Variants in DUSP11 observed in about 807,000 individuals in gnomAD.
The protein encoded by DUSP11 is dual specificity phosphatase 11, also known as RNA/RNP complex-1-interacting phosphatase.
A neutral mutation model predicts 41.4 loss-of-function variants in DUSP11; 27 were observed. The observed-to-expected ratio is 0.65, with a 90% CI of 0.48 to 0.90. The LOEUF (loss-of-function observed/expected upper bound fraction) is 0.90, where lower values mean the gene tolerates loss of function less well. Among genes scored for constraint, DUSP11 ranks in the 40% least tolerant of loss-of-function variants. The pLI is 0.00. For synonymous variants in DUSP11, 188 were observed against 159.3 expected, an observed-to-expected ratio of 1.18 and a Z score of -1.35; for missense variants, 465 against 461.1, an observed-to-expected ratio of 1.01 and a Z score of -0.08.
chr2:73,769,771 T>C, intron 4 of DUSP11, among the ~76,000 whole-genome samples: 1 of 152,218 alleles, frequency 6.6e-6, no homozygotes, highest in Admixed American at 6.5e-5. Flanking sequence ...CCTTCTCTTG[T>C]TCGGTGCTCC....
chr2:73,766,639 T>C (rs749693067), intron 7 of DUSP11, 45 bp from the exon 8 acceptor site: 6 of 1,552,810 alleles, frequency 3.9e-6, no homozygotes, highest in Non-Finnish European at 5.2e-6. Flanking sequence ...TTTCCAAATT[T>C]AGTAGTCAAT....
At chr2:73,774,340 T>C (rs187906705) in intron 3 of DUSP11, among the ~76,000 whole-genome samples, 161 of 152,316 alleles carry the variant, frequency 1.1e-3, no homozygotes, top group African/African-American at 3.5e-3. Context: ...CCAGGCACTA[T>C]TGAGAACCGA....
exon 9 of DUSP11, chr2:73,762,778 C>T (rs1172410743): frequency 3.1e-6 from 5 of 1,613,648 alleles, no homozygotes; most frequent in Non-Finnish European, 4.2e-6. Flanking sequence ...AAGAATACCT[C>T]CTGTGTGAAT....
chr2:73,773,799 C>T lies in DUSP11; in HGVS notation c.574+1G>A. ...CAGTTCAGGTAAGAACAAAAACTCA[C>T]CATTATCTTTATTTTCTTTCAAAAA... On this transcript the variant is annotated splice_donor_variant, in intron 4 of 8. Transcript: ENST00000272444. LOFTEE classifies it high-confidence loss of function. The T allele has an allele frequency of 6.2e-7, 1 of 1,604,426 alleles. No homozygotes were observed. The highest frequency in any genetic ancestry group is 8.5e-7 in the Non-Finnish European group (1 of 1,174,744).
exon 9 of DUSP11, chr2:73,762,596 A>G: frequency 2.3e-6 from 3 of 1,313,422 alleles, no homozygotes; most frequent in Non-Finnish European, 3.2e-6. Flanking sequence ...GAACTAATTA[A>G]AAGTCACACC....
At chr2:73,770,096 C>G (rs934691898) in intron 4 of DUSP11, among the ~76,000 whole-genome samples, 3 of 148,862 alleles carry the variant, frequency 2.0e-5, no homozygotes, top group African/African-American at 7.4e-5. Flanking sequence ...CCAGCACTTT[C>G]CAACCTGGCC....
intron 4 of DUSP11, among the ~76,000 whole-genome samples, chr2:73,772,811 C>G (rs1672611697): frequency 6.6e-6 from 1 of 152,226 alleles, no homozygotes; most frequent in African/African-American, 2.4e-5. Context: ...GAAATTTTAT[C>G]TTCAAACCCA....
At chr2:73,768,981 A>G in intron 5 of DUSP11, 1 of 274,610 alleles carries the variant, frequency 3.6e-6, no homozygotes, top group Non-Finnish European at 6.7e-6. Context: ...AAAAAGAATA[A>G]GGAGTCCAAG....
chr2:73,768,434 G>A (rs1296694239), intron 5 of DUSP11: 4 of 984,068 alleles, frequency 4.1e-6, no homozygotes, highest in Non-Finnish European at 4.8e-6. Flanking sequence ...GATATTTTCT[G>A]AATGAACAAA....
chr2:73,767,025 A>T, intron 6 of DUSP11, 122 bp from the exon 7 acceptor site: 1 of 1,227,108 alleles, frequency 8.1e-7, no homozygotes, highest in Non-Finnish European at 1.2e-6. Flanking sequence ...ATACATCTAT[A>T]GACTTTTGGC....
intron 8 of DUSP11, among the ~76,000 whole-genome samples, chr2:73,763,879 T>A (rs1672409311): frequency 6.6e-6 from 1 of 152,248 alleles, no homozygotes. Flanking sequence ...GCCTATTAGT[T>A]TCACTTATCA....
At chr2:73,779,790 G>A (rs774343090) in intron 1 of DUSP11, 84 bp downstream of exon 1, 116 of 1,571,086 alleles carry the variant, frequency 7.4e-5, no homozygotes, top group Non-Finnish European at 9.7e-5. Context: ...TGGCAACGGC[G>A]AGAGGCAGAG....
chr2:73,776,797 C>G (rs1158814580), intron 2 of DUSP11, among the ~76,000 whole-genome samples: 1 of 152,150 alleles, frequency 6.6e-6, no homozygotes, highest in Admixed American at 6.5e-5. Flanking sequence ...ATTCTCTGAG[C>G]TTAGTGCAGA....
exon 5 of DUSP11, chr2:73,769,279 G>C (rs1672528869): frequency 1.9e-6 from 3 of 1,613,628 alleles, no homozygotes; most frequent in Non-Finnish European, 2.5e-6. Context: ...AAATGAGGTA[G>C]CCAGTCCTGT....
intron 3 of DUSP11, 83 bp from the exon 4 acceptor site, chr2:73,774,006 A>G (rs1301856042): frequency 8.3e-7 from 1 of 1,205,780 alleles, no homozygotes; most frequent in Non-Finnish European, 1.1e-6. Context: ...CCAGAATATA[A>G]GCCAAGAGAT....
At chr2:73,777,397 C>T (rs1672707719) in intron 2 of DUSP11, among the ~76,000 whole-genome samples, 1 of 152,218 alleles carries the variant, frequency 6.6e-6, no homozygotes, top group South Asian at 2.1e-4. Flanking sequence ...TAGGCTTCTC[C>T]TGATACTAAT....
intron 2 of DUSP11, among the ~76,000 whole-genome samples, chr2:73,776,393 C>T (rs905775947): frequency 6.8e-5 from 9 of 131,742 alleles, no homozygotes; most frequent in Admixed American, 2.7e-4. Flanking sequence ...CCAGCCTGGG[C>T]GACAAGCGAG....
intron 7 of DUSP11, 85 bp downstream of exon 7, chr2:73,766,743 C>T: frequency 2.9e-6 from 4 of 1,376,634 alleles, no homozygotes; most frequent in Non-Finnish European, 4.1e-6. Flanking sequence ...AACAAGCTAC[C>T]AGAAGAATGA....
At chr2:73,773,255 C>G (rs1473274123) in intron 4 of DUSP11, 1 of 154,834 alleles carries the variant, frequency 6.5e-6, no homozygotes, top group African/African-American at 2.4e-5. Context: ...AGCGGAAAAA[C>G]AGCAGAAATA....
Sources: gnomAD v4.1 joint callset for allele counts (sites outside exome capture counted in the v4.1 genomes callset) on GRCh38, gnomAD v4.1.1 for gene constraint, MANE v1.5 for transcripts, NCBI Gene and HGNC (gene_info 2026-07-23, HGNC 2026-07-21) for gene names.